HSD17B12: variants seen among roughly 807,000 people sequenced by gnomAD.
HSD17B12 encodes hydroxysteroid 17-beta dehydrogenase 12, also known as very-long-chain 3-oxoacyl-CoA reductase.
A neutral mutation model predicts 39.3 loss-of-function variants in HSD17B12; 32 were observed. That is an observed-to-expected ratio of 0.81 (90% confidence interval 0.61 to 1.09). The LOEUF (loss-of-function observed/expected upper bound fraction) is 1.09. Ranked by LOEUF, HSD17B12 falls within the 50% of genes least tolerant of loss-of-function variation. HSD17B12 has a pLI of 0.00. For synonymous variants in HSD17B12, 150 were observed against 146.7 expected, an observed-to-expected ratio of 1.02 and a Z score of -0.16; for missense variants, 342 against 382.9, an observed-to-expected ratio of 0.89 and a Z score of 0.89.
chr11:43,855,317 C>T lies in HSD17B12; in HGVS notation c.*69C>T. On this transcript the variant is annotated 3_prime_UTR_variant, in exon 11 of 11. Transcript: ENST00000278353. Reference sequence around the variant, plus strand: ...TGCACGTTCACTGCAAAGCACCCTACTGGTTTTGAAAATCTGACCTTGTCA... The same window carrying T: ...TGCACGTTCACTGCAAAGCACCCTATTGGTTTTGAAAATCTGACCTTGTCA... 1.2e-6 allele frequency: 1 copy of T among 860,264 alleles called. No homozygotes were observed. The highest frequency in any genetic ancestry group is 1.8e-6 in the Non-Finnish European group (1 of 560,778). 53.3% of individuals were successfully genotyped at this position (860,264 alleles called of 1,614,324 possible). A position where few individuals can be genotyped will look rare whatever the true frequency, so the allele number is the denominator to read the frequency against.
chr11:43,713,845 T>C (rs1163984597), intron 1 of HSD17B12, among the ~76,000 whole-genome samples: 2 of 152,236 alleles, frequency 1.3e-5, no homozygotes, highest in Non-Finnish European at 2.9e-5. Context: ...GGTATCTCAT[T>C]GTGGTTTTGA....
intron 1 of HSD17B12, among the ~76,000 whole-genome samples, chr11:43,681,510 C>T (rs1424009106): frequency 3.3e-5 from 5 of 152,114 alleles, no homozygotes; most frequent in East Asian, 3.9e-4. Flanking sequence ...AATCGTACCT[C>T]CCCAGTTACG....
At chr11:43,680,607 A>G (rs1431013553), upstream of HSD17B12, 1 of 559,256 alleles carries the variant, frequency 1.8e-6, no homozygotes, top group Non-Finnish European at 3.2e-6. Flanking sequence ...TGGGAGGGGC[A>G]GTGGAACTGG....
chr11:43,616,797 TAAAAAAAAA>T, the HSD17B12 span, among the ~76,000 whole-genome samples: 17 of 59,726 alleles, frequency 2.8e-4, no homozygotes, highest in African/African-American at 5.0e-4. Flanking sequence ...GTGCCCAAAC[TAAAAAAAAA>T]AAAAAAAAAA....
intron 1 of HSD17B12, among the ~76,000 whole-genome samples, chr11:43,691,788 G>A (rs1445496737): frequency 6.6e-6 from 1 of 152,174 alleles, no homozygotes; most frequent in Non-Finnish European, 1.5e-5. Flanking sequence ...ATGACGTCCT[G>A]TGTCCCAGAC....
chr11:43,590,697 A>G, the HSD17B12 span, among the ~76,000 whole-genome samples: 2 of 150,778 alleles, frequency 1.3e-5, no homozygotes, highest in African/African-American at 4.9e-5. Flanking sequence ...TTTTTAGTAG[A>G]GACGAGGTTT....
At chr11:43,584,647 C>T in the HSD17B12 span, 1 of 152,256 alleles carries the variant, frequency 6.6e-6, no homozygotes, top group African/African-American at 2.4e-5. Flanking sequence ...TGATGAAGAG[C>T]TTGGATGAAT....
chr11:43,767,074 G>A lies in HSD17B12; in HGVS notation c.283+12953G>A, dbSNP rs148965043. On this transcript the variant is annotated intron_variant, in intron 3 of 10. Transcript: ENST00000278353. ...CTGTTCTACAGCTGGCATTAGGGAT[G>A]TGGGAGTGTACTCCACCGTGGCCAG... Among the ~76,000 whole-genome samples, 1,383 of 152,256 alleles carry A rather than the reference G, an allele frequency of 9.1e-3. 11 individuals are homozygous for A. Among genetic ancestry groups the A allele is most frequent in the Middle Eastern group, 0.024 (7 of 294 alleles).
At chr11:43,824,219 A>G (rs2135096848) in intron 6 of HSD17B12, among the ~76,000 whole-genome samples, 1 of 152,136 alleles carries the variant, frequency 6.6e-6, no homozygotes, top group East Asian at 1.9e-4. Context: ...GACTTCTCTC[A>G]CTCATTTACA....
the HSD17B12 span, among the ~76,000 whole-genome samples, chr11:43,558,925 T>G: frequency 3.8e-3 from 576 of 151,652 alleles, 2 homozygotes; most frequent in Non-Finnish European, 6.0e-3. Flanking sequence ...GACATAGAAA[T>G]GGGAAGTGAA....
At chr11:43,689,533 C>A (rs968648447) in intron 1 of HSD17B12, among the ~76,000 whole-genome samples, 1 of 151,848 alleles carries the variant, frequency 6.6e-6, no homozygotes, top group African/African-American at 2.4e-5. Context: ...TTATTTTATT[C>A]TATTTTATAT....
the HSD17B12 span, among the ~76,000 whole-genome samples, chr11:43,640,282 A>C: frequency 3.9e-5 from 6 of 152,140 alleles, no homozygotes; most frequent in African/African-American, 1.2e-4. Context: ...AATGAAGGGA[A>C]TATGTAAGAA....
In HSD17B12 at chr11:43,727,730, G is replaced by GA. The variant is rs55960894; in HGVS notation, c.161-23174dup. Among the ~76,000 whole-genome samples, 512 of 152,046 alleles carry GA rather than the reference G, an allele frequency of 3.4e-3. 4 individuals are homozygous for GA. The highest frequency in any genetic ancestry group is 6.2e-3 in the Non-Finnish European group (422 of 67,954). ...ATTTGGTGTTATGGTAAAACAGTAGGAAAAAAACACAACAATTCACCCTCT... is the reference window on the plus strand; with the variant it reads ...ATTTGGTGTTATGGTAAAACAGTAGGAAAAAAAACACAACAATTCACCCTCT... On this transcript the variant is annotated intron_variant, in intron 1 of 10. Transcript: ENST00000278353.
chr11:43,649,110 G>A, the HSD17B12 span, among the ~76,000 whole-genome samples: 1 of 150,746 alleles, frequency 6.6e-6, no homozygotes. Flanking sequence ...GCCAACTTGT[G>A]TCTTTTTTTT....
chr11:43,730,046 GT>G lies in HSD17B12; in HGVS notation c.161-20855del, dbSNP rs1055261702. 9.4e-4 allele frequency among the ~76,000 whole-genome samples: 138 copies of G among 146,524 alleles called. 1 individual carries two copies. Among genetic ancestry groups the G allele is most frequent in the East Asian group, 3.0e-3 (15 of 4,954 alleles). ...TTTTAAAACTTGTGGATGTGTGTGT[GT>G]TTTTTTTTTAATAAAGATAAGAGAA... On this transcript the variant is annotated intron_variant, in intron 1 of 10. Coordinates refer to ENST00000278353, the MANE Select transcript of HSD17B12 (RefSeq NM_016142.3).
the HSD17B12 span, among the ~76,000 whole-genome samples, chr11:43,579,998 G>A: frequency 7.9e-5 from 12 of 152,074 alleles, no homozygotes; most frequent in African/African-American, 2.9e-4. Flanking sequence ...TCCCCCACTG[G>A]GGGACTATAC....
At chr11:43,724,219 C>CTG (rs56033566) in intron 1 of HSD17B12, 26,770 of 138,780 alleles carry the variant, frequency 0.19, 2,973 homozygotes, top group African/African-American at 0.33. Context: ...TGTGTATGCT[C>CTG]TGTGTGTGTG....
chr11:43,714,093 A>G (rs1950097409), intron 1 of HSD17B12, among the ~76,000 whole-genome samples: 2 of 152,114 alleles, frequency 1.3e-5, no homozygotes, highest in South Asian at 4.1e-4. Flanking sequence ...CTCTGATGGT[A>G]GTTTCTTTTG....
chr11:43,757,602 C>T (rs965126186), intron 3 of HSD17B12, among the ~76,000 whole-genome samples: 4 of 117,478 alleles, frequency 3.4e-5, no homozygotes, highest in Admixed American at 2.2e-4. Context: ...CACTGCAGTC[C>T]GCAGTCCGGC....
Sources: allele counts gnomAD v4.1 joint callset (sites outside exome capture counted in the v4.1 genomes callset), GRCh38; gene constraint gnomAD v4.1.1; transcripts MANE v1.5; gene names NCBI Gene and HGNC (gene_info 2026-07-23, HGNC 2026-07-21).